The following CDCP1 variants were observed in gnomAD, a reference collection of about 807,000 sequenced individuals.
CDCP1 encodes the protein CUB domain containing protein 1, also known as CUB domain-containing protein 1.
A neutral mutation model predicts 60.2 loss-of-function variants in CDCP1; 29 were observed. That is an observed-to-expected ratio of 0.48 (90% CI 0.36 to 0.66). The LOEUF (loss-of-function observed/expected upper bound fraction) is 0.66, where lower values mean the gene tolerates loss of function less well. Ranked by LOEUF, CDCP1 falls within the 30% of genes least tolerant of loss-of-function variation. The probability of loss-of-function intolerance (pLI) is 0.00; values close to 1 mark genes in which losing one functional copy is unlikely to be tolerated. For synonymous variants in CDCP1, 387 were observed against 431.1 expected, an observed-to-expected ratio of 0.90 and a Z score of 1.27; for missense variants, 876 against 1,074.3, an observed-to-expected ratio of 0.82 and a Z score of 2.58.
intron 4 of CDCP1, among the ~76,000 whole-genome samples, chr3:45,096,629 A>G (rs1698403930): frequency 6.6e-6 from 1 of 150,824 alleles, no homozygotes; most frequent in African/African-American, 2.4e-5. Context: ...GTCTCAAAAA[A>G]AAAAAAAAAA....
Position 45,112,334 on chromosome 3 carries a change from A to T in CDCP1, c.404T>A (p.Ile135Asn), listed in dbSNP as rs1302519848. ...GATGGAAAACTGCAGCTCTAAACCG[A>T]TGCTCTTATGAGCTTTGACATCCCA... ...FIWDVKAHKS[I>N]GLELQFSIPR... Residue 135 changes from isoleucine (I) to asparagine (N), a missense_variant, in exon 3 of 9, where the codon ATC (isoleucine) becomes AAC (asparagine). Ile to Asn is a moderately radical substitution (Grantham distance 149). Around this residue, in one of 2 missense-constraint regions of CDCP1, gnomAD observed 726 missense variants for 935.7 expected, o/e 0.78. Transcript: ENST00000296129. The T allele has an allele frequency of 1.2e-6, 2 of 1,614,100 alleles. No homozygotes were observed. Among genetic ancestry groups the T allele is most frequent in the East Asian group, 2.2e-5 (1 of 44,892 alleles).
rs752419297 is a variant in CDCP1, at chr3:45,112,392, A to G, written c.346T>C (p.Ser116Pro). The G allele has an allele frequency of 2.5e-6, 4 of 1,614,228 alleles. No homozygotes were observed. The East Asian group carries it at 8.9e-5, about 36-fold the overall frequency. ...FGEVQLQPST[S>P]LLPTLNRTFI... is the part of the protein sequence containing the mutation. The stretch of plus-strand genomic sequence containing the variant: ...GTTCTGTTGAGGGTAGGCAACAACG[A>G]TGTCGAGGGCTGAAGCTGAACCTCC... The change falls in exon 3 of 9, where the codon TCG (serine) becomes CCG (proline). Residue 116 changes from serine to proline, a missense_variant. Physicochemically the swap from Ser to Pro is moderately conservative, Grantham distance 74. This residue lies in a region of CDCP1 where 726 missense variants were observed against 935.7 expected (regional missense o/e 0.78). Transcript: ENST00000296129.
chr3:45,090,249 T>C (rs11916687), intron 7 of CDCP1, among the ~76,000 whole-genome samples: 50,997 of 152,004 alleles, frequency 0.34, 8,956 homozygotes, highest in Middle Eastern at 0.47. Context: ...CTTCTGATTC[T>C]GACACTGTGA....
At chr3:45,117,179 T>C (rs995372553) in intron 2 of CDCP1, among the ~76,000 whole-genome samples, 10 of 152,226 alleles carry the variant, frequency 6.6e-5, no homozygotes, top group Non-Finnish European at 1.2e-4. Context: ...TTATTCTTGT[T>C]AATACATCTA....
At chr3:45,099,537 A>T (rs1366592102) in intron 4 of CDCP1, among the ~76,000 whole-genome samples, 2 of 152,086 alleles carry the variant, frequency 1.3e-5, no homozygotes, top group East Asian at 3.9e-4. Flanking sequence ...ACTCATATCC[A>T]TCAGTCCTGG....
intron 4 of CDCP1, among the ~76,000 whole-genome samples, chr3:45,098,466 T>G (rs1358693616): frequency 6.6e-6 from 1 of 152,152 alleles, no homozygotes; most frequent in Non-Finnish European, 1.5e-5. Flanking sequence ...CAGTAAAACA[T>G]GCTCTGTTCC....
At chr3:45,105,095 C>CT (rs1226192386) in intron 4 of CDCP1, among the ~76,000 whole-genome samples, 1 of 152,128 alleles carries the variant, frequency 6.6e-6, no homozygotes, top group Non-Finnish European at 1.5e-5. Context: ...TAACCCCCAC[C>CT]TGCCACCAAA....
At chr3:45,087,500 G>C (rs1200822729) in intron 8 of CDCP1, among the ~76,000 whole-genome samples, 1 of 152,176 alleles carries the variant, frequency 6.6e-6, no homozygotes, top group Non-Finnish European at 1.5e-5. Flanking sequence ...AACTGGGTGG[G>C]CTATTCCGTG....
chr3:45,093,005 A>C lies in CDCP1; in HGVS notation c.1627+272T>G, dbSNP rs973741960. 3.9e-5 allele frequency among the ~76,000 whole-genome samples: 6 copies of C among 152,246 alleles called. No homozygotes were observed. The South Asian group carries it at 1.0e-3, about 26-fold the overall frequency. On this transcript the variant is annotated intron_variant, in intron 6 of 8. Transcript: ENST00000296129. ...TTTACGTCCTGCCTGCTTCCAAAAA[A>C]GACTCAAACCTGATAATGTTTTTGC...
At position 45,108,916 on chromosome 3, in the gene CDCP1, TATATATATATGCATGTATAC is replaced by T. The variant is rs1698633791; in HGVS notation, c.1024+1537_1024+1556del. Reference sequence around the variant, plus strand: ...ATATATATATATGCATGTATACATATATATATATATGCATGTATACATATATATATATATATATTTTTTTT... The same window carrying T: ...ATATATATATATGCATGTATACATATATATATATATATATATATTTTTTTT... On this transcript the variant is annotated intron_variant, in intron 4 of 8. Transcript: ENST00000296129. 4.6e-5 allele frequency among the ~76,000 whole-genome samples: 3 copies of T among 64,822 alleles called. 1 individual carries two copies. The highest frequency in any genetic ancestry group is 1.6e-4 in the African/African-American group (3 of 19,134). The allele number at this position is 64,822 out of a possible 152,430, so 42.5% of individuals were successfully genotyped here.
intron 1 of CDCP1, among the ~76,000 whole-genome samples, chr3:45,133,849 C>T (rs1699147228): frequency 6.6e-6 from 1 of 152,024 alleles, no homozygotes; most frequent in Non-Finnish European, 1.5e-5. Flanking sequence ...AATCACAAGC[C>T]CTGGGCAATC....
At chr3:45,130,866 TC>T (rs926922195) in intron 1 of CDCP1, among the ~76,000 whole-genome samples, 1 of 152,094 alleles carries the variant, frequency 6.6e-6, no homozygotes, top group Non-Finnish European at 1.5e-5. Flanking sequence ...AAGGTATGCT[TC>T]ATTTTTTTTT....
chr3:45,101,072 A>G (rs896751033), intron 4 of CDCP1, among the ~76,000 whole-genome samples: 2 of 152,218 alleles, frequency 1.3e-5, no homozygotes, highest in Non-Finnish European at 1.5e-5. Context: ...AGAAGCCTCT[A>G]TTTGTGACAC....
At chr3:45,086,666 C>T (rs995099637) in intron 8 of CDCP1, among the ~76,000 whole-genome samples, 5 of 152,170 alleles carry the variant, frequency 3.3e-5, no homozygotes, top group African/African-American at 1.2e-4. Context: ...AGTAGTCACC[C>T]CCAACAGAGG....
At chr3:45,093,204 A>T (rs1285685333) in intron 6 of CDCP1, 73 bp downstream of exon 6, 1 of 1,512,204 alleles carries the variant, frequency 6.6e-7, no homozygotes, top group Non-Finnish European at 8.9e-7. Flanking sequence ...AACTTAATTA[A>T]GGTGATCACA....
At chr3:45,125,932 C>G (rs1320081513) in intron 1 of CDCP1, among the ~76,000 whole-genome samples, 2 of 152,214 alleles carry the variant, frequency 1.3e-5, no homozygotes, top group Admixed American at 1.3e-4. Flanking sequence ...GAAGTGACCT[C>G]CCTTCTCCAA....
At chr3:45,126,142 C>CTTTCTTTCTTTCTTTCTT (rs1553611006) in intron 1 of CDCP1, among the ~76,000 whole-genome samples, 24 of 140,066 alleles carry the variant, frequency 1.7e-4, no homozygotes, top group Non-Finnish European at 3.0e-4. Flanking sequence ...TTCTTTCTTT[C>CTTTCTTTCTTTCTTTCTT]TTTCTTTCTT....
intron 3 of CDCP1, among the ~76,000 whole-genome samples, chr3:45,111,154 G>A (rs1559393729): frequency 2.0e-5 from 3 of 152,196 alleles, no homozygotes; most frequent in Admixed American, 2.0e-4. Context: ...CCAGGTGACT[G>A]AATGTGGAGT....
intron 1 of CDCP1, among the ~76,000 whole-genome samples, chr3:45,132,725 A>G (rs1421907511): frequency 6.6e-6 from 1 of 152,238 alleles, no homozygotes; most frequent in Non-Finnish European, 1.5e-5. Context: ...CATTGGAATG[A>G]GACCACATGT....
Sources: allele counts gnomAD v4.1 joint callset (sites outside exome capture counted in the v4.1 genomes callset), GRCh38; gene constraint gnomAD v4.1.1; regional missense constraint gnomAD v4.1.1; transcripts MANE v1.5; gene names NCBI Gene and HGNC (gene_info 2026-07-23, HGNC 2026-07-21).